GDAP2: variants seen among roughly 807,000 people sequenced by gnomAD.
GDAP2 encodes the protein ganglioside induced differentiation associated protein 2.
GDAP2 carries 51 observed loss-of-function variants against 67.0 expected under a neutral mutation model. The ratio of observed to expected loss-of-function variants is 0.76; its 90% confidence interval spans 0.61 to 0.96. The LOEUF (loss-of-function observed/expected upper bound fraction) is 0.96, where lower values mean the gene tolerates loss of function less well. Among genes scored for constraint, GDAP2 ranks in the 40% least tolerant of loss-of-function variants. The probability of loss-of-function intolerance (pLI) is 0.00; values close to 1 mark genes in which losing one functional copy is unlikely to be tolerated. For synonymous variants in GDAP2, 203 were observed against 207.3 expected, an observed-to-expected ratio of 0.98 and a Z score of 0.18; for missense variants, 547 against 588.3, an observed-to-expected ratio of 0.93 and a Z score of 0.73.
intron 13 of GDAP2, among the ~76,000 whole-genome samples, chr1:117,870,819 T>C (rs1445223304): frequency 6.6e-6 from 1 of 152,176 alleles, no homozygotes; most frequent in African/African-American, 2.4e-5. Context: ...GATCATAATA[T>C]TTTTTAAGAA....
Position 117,870,555 on chromosome 1 carries a change from T to G in GDAP2, c.*14A>C, listed in dbSNP as rs771004569. On this transcript the variant is annotated 3_prime_UTR_variant, in exon 14 of 14. Transcript: ENST00000369443. ...TGGCATCCTGGGAACCAAGAAGCAC[T>G]GAAAGATGGCAGGTCACAAATCTGG... The G allele has an allele frequency of 7.0e-6, 11 of 1,561,822 alleles. No individual in the cohort carries two copies. In the South Asian group the frequency reaches 1.1e-4, roughly 16 times the overall value.
At chr1:117,911,232 T>A (rs1042737140) in intron 5 of GDAP2, among the ~76,000 whole-genome samples, 1 of 152,226 alleles carries the variant, frequency 6.6e-6, no homozygotes, top group Non-Finnish European at 1.5e-5. Context: ...AGTGAGATCA[T>A]GGACTCTCTT....
chr1:117,929,351 C>T (rs1454091482), intron 1 of GDAP2, 97 bp downstream of exon 1: 1 of 152,538 alleles, frequency 6.6e-6, no homozygotes, highest in Admixed American at 6.5e-5. Flanking sequence ...AACCCTCAGC[C>T]TGCAATCCTG....
At chr1:117,921,390 G>A (rs1018509308) in intron 1 of GDAP2, among the ~76,000 whole-genome samples, 2 of 152,090 alleles carry the variant, frequency 1.3e-5, no homozygotes, top group African/African-American at 4.8e-5. Flanking sequence ...GAAACAAGCG[G>A]GTATCTAACA....
At chr1:117,884,813 CGTGTGTGTGT>C (rs35296112) in intron 10 of GDAP2, among the ~76,000 whole-genome samples, 5 of 147,862 alleles carry the variant, frequency 3.4e-5, no homozygotes, top group Non-Finnish European at 7.5e-5. Flanking sequence ...TTATTCCCTC[CGTGTGTGTGT>C]GTGTGTGTGT....
Position 117,868,254 on chromosome 1 carries a change from T to C in GDAP2, c.*2315A>G, listed in dbSNP as rs916960973. On this transcript the variant is annotated 3_prime_UTR_variant, in exon 14 of 14. Transcript: ENST00000369443. ...ACTTCATTCTATAACACTTTAGACATCTATAAAAGCATGAACTTGGTCCCA... is the reference window on the plus strand; with the variant it reads ...ACTTCATTCTATAACACTTTAGACACCTATAAAAGCATGAACTTGGTCCCA... 2.0e-5 allele frequency: 3 copies of C among 152,220 alleles called. No individual in the cohort carries two copies. The highest frequency in any genetic ancestry group is 7.2e-5 in the African/African-American group (3 of 41,452). The allele number at this position is 152,220 out of a possible 1,614,324, so 9.4% of individuals were successfully genotyped here.
chr1:117,885,192 T>C (rs1309309501), intron 10 of GDAP2, among the ~76,000 whole-genome samples: 3 of 152,026 alleles, frequency 2.0e-5, no homozygotes, highest in African/African-American at 7.2e-5. Flanking sequence ...ATTATTCTTT[T>C]TTATCCTCTT....
chr1:117,912,057 A>G lies in GDAP2; in HGVS notation c.496T>C (p.Phe166Leu), dbSNP rs914522187. 1.9e-6 allele frequency: 3 copies of G among 1,609,830 alleles called. No individual in the cohort carries two copies. Among genetic ancestry groups the G allele is most frequent in the African/African-American group, 1.3e-5 (1 of 74,836 alleles). The change falls in exon 5 of 14, where the codon TTC (phenylalanine) becomes CTC (leucine). Residue 166 changes from phenylalanine to leucine, a missense_variant. Phe to Leu is a conservative substitution (Grantham distance 22). Coordinates refer to ENST00000369443, the MANE Select transcript of GDAP2 (RefSeq NM_017686.4). ...AKEQSMSSVG[F>L]CVINSAKRGY... ...CGTTTTGCAGAATTGATGACACAGA[A>G]GCCAACAGAAGACATTGACTGCTCT...
intron 5 of GDAP2, 91 bp downstream of exon 5, chr1:117,911,903 G>A (rs2101154729): frequency 1.4e-6 from 1 of 701,854 alleles, no homozygotes; most frequent in Non-Finnish European, 2.6e-6. Flanking sequence ...AGCCTCCCAA[G>A]TCGCTGGAAT....
At chr1:117,883,419 G>T in intron 11 of GDAP2, 69 bp downstream of exon 11, 1 of 1,133,156 alleles carries the variant, frequency 8.8e-7, no homozygotes. Context: ...ACAAAGCAAT[G>T]TTTGCCACTG....
intron 2 of GDAP2, among the ~76,000 whole-genome samples, chr1:117,919,509 T>C (rs1286027733): frequency 1.3e-5 from 2 of 152,340 alleles, no homozygotes; most frequent in Non-Finnish European, 1.5e-5. Flanking sequence ...TTGGCAAATC[T>C]GTAGAGACAA....
chr1:117,927,439 T>C (rs1451272939), intron 1 of GDAP2, among the ~76,000 whole-genome samples: 4 of 152,124 alleles, frequency 2.6e-5, no homozygotes, highest in Non-Finnish European at 4.4e-5. Context: ...TTTTAACCTG[T>C]TTACCTGTCT....
intron 1 of GDAP2, among the ~76,000 whole-genome samples, chr1:117,927,356 A>G (rs1385880312): frequency 6.6e-6 from 1 of 152,170 alleles, no homozygotes; most frequent in African/African-American, 2.4e-5. Context: ...AATACCTTGG[A>G]TCACCATCTC....
chr1:117,921,810 T>A (rs186604765), intron 1 of GDAP2, among the ~76,000 whole-genome samples: 1 of 152,230 alleles, frequency 6.6e-6, no homozygotes, highest in South Asian at 2.1e-4. Context: ...GATGCAGAGA[T>A]CAATAGAAAA....
intron 6 of GDAP2, among the ~76,000 whole-genome samples, chr1:117,904,442 T>A (rs1334852833): frequency 6.6e-6 from 1 of 152,248 alleles, no homozygotes; most frequent in Non-Finnish European, 1.5e-5. Flanking sequence ...CAACAGTATT[T>A]ACTTGATACA....
chr1:117,878,972 A>T (rs1440697813), intron 12 of GDAP2, among the ~76,000 whole-genome samples: 2 of 152,226 alleles, frequency 1.3e-5, no homozygotes, highest in Admixed American at 1.3e-4. Flanking sequence ...GGAAATAGCA[A>T]ACTTTTTTGA....
At chr1:117,898,209 G>C (rs1353523537) in intron 7 of GDAP2, among the ~76,000 whole-genome samples, 1 of 152,152 alleles carries the variant, frequency 6.6e-6, no homozygotes, top group Non-Finnish European at 1.5e-5. Context: ...GTAGTCACAG[G>C]CATGAGGATT....
intron 11 of GDAP2, chr1:117,882,871 C>A (rs774262532): frequency 6.6e-6 from 1 of 151,830 alleles, no homozygotes; most frequent in Non-Finnish European, 1.5e-5. Context: ...AACAGAACAG[C>A]TAACAGGAGG....
intron 7 of GDAP2, among the ~76,000 whole-genome samples, chr1:117,898,314 T>C (rs933883600): frequency 3.3e-5 from 5 of 152,226 alleles, no homozygotes; most frequent in Admixed American, 1.3e-4. Flanking sequence ...GGTTTCCAGA[T>C]ATTTCACATT....
Sources: gnomAD v4.1 joint callset for allele counts (sites outside exome capture counted in the v4.1 genomes callset) on GRCh38, gnomAD v4.1.1 for gene constraint, MANE v1.5 for transcripts, NCBI Gene and HGNC (gene_info 2026-07-23, HGNC 2026-07-21) for gene names.